The following CACNA1A variants were observed in gnomAD, a reference collection of about 807,000 sequenced individuals.
CACNA1A encodes the protein calcium voltage-gated channel subunit alpha1 A.
In CACNA1A, 57 loss-of-function variants were observed where a neutral mutation model predicts 262.4. That is an observed-to-expected ratio of 0.22 (90% CI 0.18 to 0.27). The LOEUF (loss-of-function observed/expected upper bound fraction) is 0.27. Among genes scored for constraint, CACNA1A ranks in the 10% least tolerant of loss-of-function variants. The pLI, the probability that CACNA1A is intolerant of heterozygous loss-of-function variation, is 1.00. For missense variants in CACNA1A, 2,526 were observed against 3,562.8 expected (o/e 0.71, Z 7.41); for synonymous variants, 1,431 against 1,419.3 (o/e 1.01, Z -0.18).
At chr19:13,322,424 C>T (rs1261422848) in intron 10 of CACNA1A, among the ~76,000 whole-genome samples, 2 of 152,034 alleles carry the variant, frequency 1.3e-5, no homozygotes, top group Non-Finnish European at 2.9e-5. Flanking sequence ...GGACTTCTGG[C>T]CTCTAGAACT....
At position 13,475,952 on chromosome 19, in the gene CACNA1A, C is replaced by T. The variant is rs1052652946; in HGVS notation, c.294-20740G>A. Among the ~76,000 whole-genome samples, 11 of 152,088 alleles carry T rather than the reference C, an allele frequency of 7.2e-5. No individual in the cohort carries two copies. In the South Asian group the frequency reaches 1.0e-3, roughly 14 times the overall value. ...CTTTTCAGGGAGAGGCAAACAGTAACGGGATAGTGCAGGGGTTTATATGAG... is the reference window on the plus strand; with the variant it reads ...CTTTTCAGGGAGAGGCAAACAGTAATGGGATAGTGCAGGGGTTTATATGAG... On this transcript the variant is annotated intron_variant, in intron 1 of 46. Coordinates refer to ENST00000360228, the MANE Select transcript of CACNA1A (RefSeq NM_001127222.2).
chr19:13,481,912 G>T (rs369828335), intron 1 of CACNA1A, among the ~76,000 whole-genome samples: 1 of 151,978 alleles, frequency 6.6e-6, no homozygotes, highest in East Asian at 1.9e-4. Context: ...TTAAGGTGAG[G>T]GGCTTGCCAG....
chr19:13,369,188 C>CT (rs1438156891), intron 4 of CACNA1A, among the ~76,000 whole-genome samples: 2 of 152,230 alleles, frequency 1.3e-5, no homozygotes, highest in South Asian at 2.1e-4. Flanking sequence ...ATGTTGGTTG[C>CT]TAATGCCTCC....
intron 1 of CACNA1A, among the ~76,000 whole-genome samples, chr19:13,466,866 T>C (rs1378169338): frequency 1.3e-5 from 2 of 151,676 alleles, no homozygotes; most frequent in East Asian, 1.9e-4. Context: ...CCCTCTCTCT[T>C]TTAAATTTCC....
Position 13,207,288 on chromosome 19 carries a change from C to T in CACNA1A, c.*25G>A, listed in dbSNP as rs907920690. The T allele has an allele frequency of 2.6e-6, 4 of 1,530,364 alleles. No individual in the cohort carries two copies. The highest frequency in any genetic ancestry group is 1.4e-5 in the African/African-American group (1 of 71,072). The allele number at this position is 1,530,364 out of a possible 1,614,324, so 94.8% of individuals were successfully genotyped here. A position where few individuals can be genotyped will look rare whatever the true frequency, so the allele number is the denominator to read the frequency against. The stretch of plus-strand genomic sequence containing the variant: ...TGTGTGCGTGGGGTGCGTGGGGGGC[C>T]GGGCGGGCGCCACCTCGCCCGGGCT... On this transcript the variant is annotated 3_prime_UTR_variant, in exon 47 of 47. Coordinates refer to ENST00000360228, the MANE Select transcript of CACNA1A (RefSeq NM_001127222.2). The surrounding 1 kb of genome is among the most constrained non-coding windows in gnomAD (Gnocchi z 5.7).
At chr19:13,388,510 CCT>C (rs1277397509) in intron 3 of CACNA1A, among the ~76,000 whole-genome samples, 1 of 152,092 alleles carries the variant, frequency 6.6e-6, no homozygotes, top group Non-Finnish European at 1.5e-5. Flanking sequence ...CCTGCCTCGC[CCT>C]CGCAAAGTGG....
intron 1 of CACNA1A, among the ~76,000 whole-genome samples, chr19:13,487,343 G>C (rs1980141064): frequency 6.6e-6 from 1 of 152,178 alleles, no homozygotes; most frequent in Non-Finnish European, 1.5e-5. Flanking sequence ...GGGAGAGGAA[G>C]ACCCAGAAAT....
intron 26 of CACNA1A, chr19:13,260,008 T>C (rs545033967): frequency 5.3e-4 from 145 of 272,330 alleles, no homozygotes; most frequent in African/African-American, 2.8e-3. Context: ...GCCTCAGGCT[T>C]GCTGGGGGTG....
chr19:13,409,376 C>CTGTGTG (rs34775168), intron 3 of CACNA1A, among the ~76,000 whole-genome samples: 1 of 149,040 alleles, frequency 6.7e-6, no homozygotes, highest in African/African-American at 2.5e-5. Context: ...TTTGACAATC[C>CTGTGTG]TGTGTGTGTG....
chr19:13,254,964 A>G (rs1449982624), intron 29 of CACNA1A, 131 bp downstream of exon 29: 1 of 906,420 alleles, frequency 1.1e-6, no homozygotes, highest in Non-Finnish European at 1.7e-6. Flanking sequence ...AGGGAACAGC[A>G]GGAACAAAAT....
chr19:13,484,490 C>G (rs1025682176), intron 1 of CACNA1A, among the ~76,000 whole-genome samples: 4 of 152,146 alleles, frequency 2.6e-5, no homozygotes, highest in Admixed American at 2.6e-4. Flanking sequence ...AAAAATCATG[C>G]CAGCTCAAAA....
intron 29 of CACNA1A, among the ~76,000 whole-genome samples, chr19:13,253,546 T>C (rs1279833661): frequency 1.4e-5 from 2 of 141,564 alleles, no homozygotes; most frequent in Non-Finnish European, 3.0e-5. Flanking sequence ...CCTGGGTTCA[T>C]GCCATTCCCC....
Position 13,283,309 on chromosome 19 carries a change from C to T in CACNA1A, c.3780G>A (p.Leu1260=). 1 of 1,613,958 alleles carries T rather than the reference C, an allele frequency of 6.2e-7. No homozygotes were observed. Among genetic ancestry groups the T allele is most frequent in the Non-Finnish European group, 8.5e-7 (1 of 1,179,862 alleles). Residue 1260 remains leucine (L), a synonymous_variant, in exon 22 of 47, where the codon CTG becomes CTA. Coordinates refer to ENST00000360228, the MANE Select transcript of CACNA1A (RefSeq NM_001127222.2). ...TGGGCTGCACAGGGTCCTCGGCGGC[C>T]AGGGCGATGCTGCTCATGGCAATGA... ...LMVIAMSSIA[L]AAEDPVQPNA...
At chr19:13,345,122 A>T (rs1022915158) in intron 6 of CACNA1A, among the ~76,000 whole-genome samples, 2 of 151,992 alleles carry the variant, frequency 1.3e-5, no homozygotes, top group African/African-American at 2.4e-5. Context: ...TGATTAAGCT[A>T]TTTTTCTGGG....
At chr19:13,410,984 T>G (rs567008777) in intron 3 of CACNA1A, among the ~76,000 whole-genome samples, 1 of 152,294 alleles carries the variant, frequency 6.6e-6, no homozygotes, top group South Asian at 2.1e-4. Flanking sequence ...ATCTATGCCC[T>G]TATTCAGTTC....
At chr19:13,491,697 G>T (rs1980905414) in intron 1 of CACNA1A, among the ~76,000 whole-genome samples, 1 of 152,208 alleles carries the variant, frequency 6.6e-6, no homozygotes, top group African/African-American at 2.4e-5. Context: ...AGGGCCAGGT[G>T]TGGTGGTGCA....
intron 3 of CACNA1A, 60 bp downstream of exon 3, chr19:13,452,816 C>G: frequency 6.4e-7 from 1 of 1,550,808 alleles, no homozygotes; most frequent in Non-Finnish European, 8.8e-7. Flanking sequence ...ACCACACCAA[C>G]CAAAAGCCTC....
chr19:13,474,286 G>A (rs999378801), intron 1 of CACNA1A, among the ~76,000 whole-genome samples: 2 of 152,190 alleles, frequency 1.3e-5, no homozygotes, highest in African/African-American at 4.8e-5. Flanking sequence ...ATTTGCAACA[G>A]CTCCAGGATC....
chr19:13,371,948 A>G (rs1030043201), intron 3 of CACNA1A, among the ~76,000 whole-genome samples, 169 bp from the exon 4 acceptor site: 4 of 152,064 alleles, frequency 2.6e-5, no homozygotes, highest in African/African-American at 9.7e-5. Flanking sequence ...TCTTAACAGT[A>G]CCTGCCTCAC....
Sources: allele counts gnomAD v4.1 joint callset (sites outside exome capture counted in the v4.1 genomes callset), GRCh38; gene constraint gnomAD v4.1.1; non-coding constraint Gnocchi (gnomAD v3.1); transcripts MANE v1.5; gene names NCBI Gene and HGNC (gene_info 2026-07-23, HGNC 2026-07-21).